Variants in SLC29A3 observed in about 807,000 individuals in gnomAD.
SLC29A3 encodes solute carrier family 29 member 3.
Under a neutral mutation model 25.4 loss-of-function variants are expected in SLC29A3, and 18 were observed. That is an observed-to-expected ratio of 0.71 (90% CI 0.49 to 1.05). SLC29A3 has a LOEUF of 1.05. SLC29A3 is among the 50% of genes least tolerant of loss of function. SLC29A3 has a pLI of 0.00. For synonymous variants in SLC29A3, 258 were observed against 267.1 expected (o/e 0.97, Z 0.33); for missense variants, 586 against 609.0 (o/e 0.96, Z 0.40).
chr10:71,369,040 G>A (rs1417111162), intron 3 of SLC29A3, among the ~76,000 whole-genome samples: 1 of 152,236 alleles, frequency 6.6e-6, no homozygotes, highest in East Asian at 1.9e-4. Context: ...ATTAGATCAT[G>A]AGAGTAGAAC....
rs145549501 is a variant in SLC29A3, at chr10:71,359,325, C to T, written c.774-2629C>T. The stretch of plus-strand genomic sequence containing the variant: ...AGCTGTGCTCCCAGGTCTGCTTGGA[C>T]TAAATCTTCCTGAAAAGGCAAGCTC... On this transcript the variant is annotated intron_variant, in intron 5 of 5. Coordinates refer to ENST00000373189, the MANE Select transcript of SLC29A3 (RefSeq NM_018344.6). Among the ~76,000 whole-genome samples, 1,254 of 152,268 alleles carry T rather than the reference C, an allele frequency of 8.2e-3. 22 individuals are homozygous for T. Among genetic ancestry groups the T allele is most frequent in the African/African-American group, 0.028 (1,177 of 41,552 alleles).
intron 2 of SLC29A3, among the ~76,000 whole-genome samples, chr10:71,333,562 G>C (rs1185905234): frequency 6.6e-6 from 1 of 152,256 alleles, no homozygotes; most frequent in Non-Finnish European, 1.5e-5. Context: ...AGCACCCCCA[G>C]ACCACCTCCT....
At chr10:71,353,588 C>T (rs1193341349) in intron 4 of SLC29A3, among the ~76,000 whole-genome samples, 3 of 152,100 alleles carry the variant, frequency 2.0e-5, no homozygotes, top group Non-Finnish European at 4.4e-5. Context: ...AGTACTTCTA[C>T]GCCAGTATTA....
At chr10:71,360,655 A>G (rs938281362) in intron 5 of SLC29A3, among the ~76,000 whole-genome samples, 8 of 152,156 alleles carry the variant, frequency 5.3e-5, no homozygotes, top group African/African-American at 1.7e-4. Flanking sequence ...AAAGGTATAA[A>G]CCTTTTAATC....
At chr10:71,375,669 C>T (rs1018325941) in intron 3 of SLC29A3, 7 of 152,094 alleles carry the variant, frequency 4.6e-5, no homozygotes, top group African/African-American at 1.7e-4. Context: ...GGTACTCGGA[C>T]GTGACTAATA....
downstream of SLC29A3, among the ~76,000 whole-genome samples, chr10:71,367,871 C>T (rs1269383267): frequency 6.6e-6 from 1 of 152,236 alleles, no homozygotes; most frequent in East Asian, 1.9e-4. Flanking sequence ...AATGCTGTTT[C>T]TGCCACCTCC....
At chr10:71,336,322 T>C (rs1448797315) in intron 2 of SLC29A3, among the ~76,000 whole-genome samples, 1 of 152,024 alleles carries the variant, frequency 6.6e-6, no homozygotes, top group Admixed American at 6.5e-5. Flanking sequence ...TGGGTAGACA[T>C]GAATTTTGGG....
intron 2 of SLC29A3, among the ~76,000 whole-genome samples, chr10:71,337,417 T>C (rs1846280745): frequency 6.6e-6 from 1 of 152,252 alleles, no homozygotes; most frequent in Admixed American, 6.5e-5. Flanking sequence ...AATGGCAAAC[T>C]ATTCTTGGCT....
chr10:71,362,831 TGAA>T lies in SLC29A3; in HGVS notation c.*230_*232del, dbSNP rs1406885580. The stretch of plus-strand genomic sequence containing the variant: ...ATTAACAGAACACTCCTGAGACAGT[TGAA>T]GAAGAAATAGCACAAATCAGGGGTA... On this transcript the variant is annotated 3_prime_UTR_variant, in exon 6 of 6. Transcript: ENST00000373189. The T allele has an allele frequency of 3.3e-5, 23 of 698,762 alleles. No homozygotes were observed. The African/African-American group carries it at 3.7e-4, about 11-fold the overall frequency. 43.3% of individuals were successfully genotyped at this position (698,762 alleles called of 1,614,324 possible).
downstream of SLC29A3, among the ~76,000 whole-genome samples, chr10:71,368,258 A>G (rs554174670): frequency 3.3e-5 from 5 of 152,330 alleles, no homozygotes; most frequent in Admixed American, 3.3e-4. Context: ...AAATAAAATG[A>G]GAAGCCTCTC....
intron 4 of SLC29A3, among the ~76,000 whole-genome samples, chr10:71,379,591 TTCTTC>T (rs1304472758): frequency 6.6e-6 from 1 of 152,220 alleles, no homozygotes; most frequent in African/African-American, 2.4e-5. Context: ...AGGCTCTTTG[TTCTTC>T]TCTTCTGTTT....
At chr10:71,322,686 TCCCCAGCTGTCC>T in intron 1 of SLC29A3, 58 bp from the exon 2 acceptor site, 1 of 1,572,432 alleles carries the variant, frequency 6.4e-7, no homozygotes, top group Non-Finnish European at 8.7e-7. Context: ...GCTGGGTGGG[TCCCCAGCTGTCC>T]CCCAGCCTTG....
chr10:71,325,169 C>T (rs1363616090), intron 2 of SLC29A3, among the ~76,000 whole-genome samples: 1 of 152,164 alleles, frequency 6.6e-6, no homozygotes, highest in African/African-American at 2.4e-5. Context: ...CACTGCTTCC[C>T]AGAAGGAAAT....
At chr10:71,332,393 G>T (rs907035295) in intron 2 of SLC29A3, among the ~76,000 whole-genome samples, 2 of 151,880 alleles carry the variant, frequency 1.3e-5, no homozygotes, top group Non-Finnish European at 2.9e-5. Flanking sequence ...CAAGTGATCC[G>T]CCCACCTTGG....
intron 2 of SLC29A3, among the ~76,000 whole-genome samples, chr10:71,327,558 C>T (rs767042824): frequency 6.6e-6 from 1 of 152,134 alleles, no homozygotes; most frequent in Non-Finnish European, 1.5e-5. Context: ...GACAAAAAGC[C>T]AGAGGCTCAG....
At chr10:71,378,994 G>T (rs145208561) in intron 4 of SLC29A3, among the ~76,000 whole-genome samples, 2 of 152,228 alleles carry the variant, frequency 1.3e-5, no homozygotes, top group Admixed American at 1.3e-4. Context: ...GGAGGAGGAC[G>T]ATGGCTGGCT....
intron 1 of SLC29A3, chr10:71,319,678 G>A (rs12220170): frequency 0.095 from 24,063 of 253,352 alleles, 1,499 homozygotes; most frequent in East Asian, 0.19. Flanking sequence ...CCGCAAAGCC[G>A]GTTCTGCCGC....
intron 5 of SLC29A3, among the ~76,000 whole-genome samples, chr10:71,360,487 G>A (rs777506411): frequency 3.9e-5 from 6 of 152,196 alleles, no homozygotes; most frequent in Non-Finnish European, 7.3e-5. Flanking sequence ...TGCAATTACT[G>A]TAGATTGTGG....
At chr10:71,321,223 A>G (rs918783450) in intron 1 of SLC29A3, among the ~76,000 whole-genome samples, 1 of 152,172 alleles carries the variant, frequency 6.6e-6, no homozygotes, top group African/African-American at 2.4e-5. Flanking sequence ...AAAGGGGGCA[A>G]TGTTTTCTGC....
Sources: gnomAD v4.1 joint callset for allele counts (sites outside exome capture counted in the v4.1 genomes callset) on GRCh38, gnomAD v4.1.1 for gene constraint, MANE v1.5 for transcripts, NCBI Gene and HGNC (gene_info 2026-07-23, HGNC 2026-07-21) for gene names.